Variants in VAV3 observed in about 807,000 individuals in gnomAD.
VAV3 encodes vav guanine nucleotide exchange factor 3, also known as guanine nucleotide exchange factor VAV3.
In VAV3, 94 loss-of-function variants were observed where a neutral mutation model predicts 131.2. That is an observed-to-expected ratio of 0.72 (90% CI 0.61 to 0.85). VAV3 has a LOEUF of 0.85. Among genes scored for constraint, VAV3 ranks in the 40% least tolerant of loss-of-function variants. The probability of loss-of-function intolerance (pLI) is 0.00; values close to 1 mark genes in which losing one functional copy is unlikely to be tolerated. For missense variants in VAV3, 939 were observed against 1,002.7 expected, an observed-to-expected ratio of 0.94 and a Z score of 0.86; for synonymous variants, 349 against 342.0, an observed-to-expected ratio of 1.02 and a Z score of -0.22.
intron 2 of VAV3, among the ~76,000 whole-genome samples, chr1:107,847,507 C>A (rs1571036401): frequency 6.6e-6 from 1 of 151,612 alleles, no homozygotes; most frequent in Admixed American, 6.6e-5. Flanking sequence ...AAAAGATTAA[C>A]AAAATAGACC....
intron 15 of VAV3, among the ~76,000 whole-genome samples, chr1:107,738,934 T>G (rs1000403556): frequency 6.6e-6 from 1 of 152,180 alleles, no homozygotes; most frequent in Non-Finnish European, 1.5e-5. Context: ...GGTTAAACTC[T>G]CTGGCTGTAC....
chr1:107,581,469 G>A (rs1340470770), intron 25 of VAV3, among the ~76,000 whole-genome samples: 2 of 152,138 alleles, frequency 1.3e-5, no homozygotes, highest in Non-Finnish European at 2.9e-5. Flanking sequence ...TCCAAGTTAA[G>A]CAAAACCTGA....
At chr1:107,825,967 G>A (rs1667991673) in intron 2 of VAV3, among the ~76,000 whole-genome samples, 1 of 151,850 alleles carries the variant, frequency 6.6e-6, no homozygotes, top group African/African-American at 2.4e-5. Context: ...TGGAGGAAAG[G>A]AATCATTTCT....
intron 19 of VAV3, among the ~76,000 whole-genome samples, chr1:107,671,618 T>C (rs2101675699): frequency 6.6e-6 from 1 of 152,162 alleles, no homozygotes; most frequent in Non-Finnish European, 1.5e-5. Flanking sequence ...TAAATTAAGA[T>C]GAGGAGGATT....
chr1:107,922,769 A>G (rs988077687), intron 1 of VAV3, among the ~76,000 whole-genome samples: 2 of 150,714 alleles, frequency 1.3e-5, no homozygotes, highest in African/African-American at 4.9e-5. Context: ...TGGCTAACAC[A>G]GTGAAACCCC....
intron 12 of VAV3, among the ~76,000 whole-genome samples, chr1:107,753,549 T>TATATATATATACACACAC (rs771773884): frequency 4.5e-4 from 37 of 81,860 alleles, no homozygotes; most frequent in East Asian, 1.5e-3. Context: ...TATATATATA[T>TATATATATATACACACAC]ACACACACAC....
At chr1:107,844,591 C>T (rs1292960955) in intron 2 of VAV3, among the ~76,000 whole-genome samples, 1 of 152,182 alleles carries the variant, frequency 6.6e-6, no homozygotes, top group African/African-American at 2.4e-5. Flanking sequence ...TCCTTGCCAG[C>T]ACAGCAGTCT....
In VAV3 at chr1:107,766,092, C is replaced by T. The variant is rs1343758306; in HGVS notation, c.821+355G>A. Among the ~76,000 whole-genome samples, 6 of 152,102 alleles carry T rather than the reference C, an allele frequency of 3.9e-5. No individual in the cohort carries two copies. The South Asian group carries it at 6.2e-4, about 16-fold the overall frequency. ...CATTAAGTACCAGCTAATCTACCTCCGGTGTTTACAGATGGGGACACAGAG... is the reference window on the plus strand; with the variant it reads ...CATTAAGTACCAGCTAATCTACCTCTGGTGTTTACAGATGGGGACACAGAG... On this transcript the variant is annotated intron_variant, in intron 8 of 26. Transcript: ENST00000370056.
intron 19 of VAV3, chr1:107,677,867 G>A (rs1294792132): frequency 6.6e-6 from 1 of 152,048 alleles, no homozygotes; most frequent in Non-Finnish European, 1.5e-5. Context: ...GACAGGCTTG[G>A]CAAGGCATGC....
intron 22 of VAV3, among the ~76,000 whole-genome samples, chr1:107,603,890 C>T (rs551888978): frequency 2.0e-5 from 3 of 152,018 alleles, no homozygotes; most frequent in South Asian, 2.1e-4. Context: ...CTGCAACCTC[C>T]GCCTCCTGGG....
rs540005621 is a variant in VAV3, at chr1:107,757,830, T to C, written c.1018-501A>G. On this transcript the variant is annotated intron_variant, in intron 10 of 26. Transcript: ENST00000370056. The stretch of plus-strand genomic sequence containing the variant: ...TTATCTGCTTCTTAGAAAGTTATTG[T>C]TCCTTAAGTTTTCACCCTAGTCCTC... Among the ~76,000 whole-genome samples the C allele has an allele frequency of 4.6e-5, 7 of 152,304 alleles. No individual in the cohort carries two copies. The East Asian group carries it at 1.4e-3, about 29-fold the overall frequency.
chr1:107,610,784 A>C (rs2101155550), intron 21 of VAV3, among the ~76,000 whole-genome samples: 1 of 152,344 alleles, frequency 6.6e-6, no homozygotes, highest in East Asian at 1.9e-4. Context: ...CATTCTATAG[A>C]GAGGGTTACT....
chr1:107,893,181 CTTTA>C (rs1403912918), intron 1 of VAV3, among the ~76,000 whole-genome samples: 1 of 152,084 alleles, frequency 6.6e-6, no homozygotes, highest in Non-Finnish European at 1.5e-5. Flanking sequence ...AGTAGTATAA[CTTTA>C]TTTAGTGACT....
rs576810928 is a variant in VAV3 at position 107,848,092 on chromosome 1, T to C, written c.321+26809A>G. Among the ~76,000 whole-genome samples the C allele has an allele frequency of 7.2e-5, 11 of 152,026 alleles. No homozygotes were observed. In the South Asian group the frequency reaches 2.1e-3, roughly 29 times the overall value. On this transcript the variant is annotated intron_variant, in intron 2 of 26. Transcript: ENST00000370056. ...ACTTTGGGAGGCTGAGGAGGGTGAATTGCAAGGTGAGGAGATCAAGACCAT... is the reference window on the plus strand; with the variant it reads ...ACTTTGGGAGGCTGAGGAGGGTGAACTGCAAGGTGAGGAGATCAAGACCAT...
At chr1:107,907,829 T>C (rs1672178696) in intron 1 of VAV3, among the ~76,000 whole-genome samples, 1 of 152,168 alleles carries the variant, frequency 6.6e-6, no homozygotes, top group African/African-American at 2.4e-5. Flanking sequence ...GAAATAAATT[T>C]CTGTTCTTTA....
chr1:107,835,600 C>A (rs1489541895), intron 2 of VAV3, among the ~76,000 whole-genome samples: 2 of 152,132 alleles, frequency 1.3e-5, no homozygotes, highest in Admixed American at 1.3e-4. Flanking sequence ...GCCCAATGAT[C>A]TGGGCAAAGA....
rs183348796 is a variant in VAV3, at chr1:107,598,940, A to C, written c.2221-2599T>G. ...TGTGAAAACAAACTTGAAAGGAATT[A>C]TAAGCCATAGCTTTGAACTTCAACG... On this transcript the variant is annotated intron_variant, in intron 24 of 26. Transcript: ENST00000370056. 9.2e-5 allele frequency among the ~76,000 whole-genome samples: 14 copies of C among 152,324 alleles called. No homozygotes were observed. In the East Asian group the frequency reaches 2.7e-3, roughly 29 times the overall value.
intron 2 of VAV3, among the ~76,000 whole-genome samples, chr1:107,872,889 T>G (rs1389816167): frequency 3.9e-5 from 6 of 152,220 alleles, no homozygotes. Context: ...ATTTTAAGTG[T>G]TCAACTACTG....
chr1:107,669,164 C>T lies in VAV3; in HGVS notation c.1777+14324G>A, dbSNP rs1353512045. 3 of 1,072,016 alleles carry T rather than the reference C, an allele frequency of 2.8e-6. No homozygotes were observed. In the African/African-American group the frequency reaches 5.2e-5, roughly 18 times the overall value. The allele number at this position is 1,072,016 out of a possible 1,614,324, so 66.4% of individuals were successfully genotyped here. A position where few individuals can be genotyped will look rare whatever the true frequency, so the allele number is the denominator to read the frequency against. On this transcript the variant is annotated intron_variant, in intron 19 of 26. Transcript: ENST00000370056. ...TGCACTTTCATTCTATTTCACCTTA[C>T]AAAAACCTCCTGCTATTCCACTCTG...
Sources: gnomAD v4.1 joint callset for allele counts (sites outside exome capture counted in the v4.1 genomes callset) on GRCh38, gnomAD v4.1.1 for gene constraint, MANE v1.5 for transcripts, NCBI Gene and HGNC (gene_info 2026-07-23, HGNC 2026-07-21) for gene names.